Variants in WWOX observed in about 807,000 individuals in gnomAD.
The protein encoded by WWOX is WW domain containing oxidoreductase, also known as WW domain-containing oxidoreductase.
A neutral mutation model predicts 46.2 loss-of-function variants in WWOX; 69 were observed. That is an observed-to-expected ratio of 1.49 (90% CI 1.23 to 1.82). The LOEUF (loss-of-function observed/expected upper bound fraction) is 1.82, where lower values mean the gene tolerates loss of function less well. Among genes scored for constraint, WWOX ranks in the 40% most tolerant of loss-of-function variants. WWOX has a pLI of 0.00. For synonymous variants in WWOX, 359 were observed against 202.6 expected (o/e 1.77, Z -6.56); for missense variants, 919 against 542.6 (o/e 1.69, Z -6.89).
chr16:79,206,540 C>G (rs961202570), intron 8 of WWOX: 3 of 152,178 alleles, frequency 2.0e-5, no homozygotes, highest in Admixed American at 1.3e-4. Flanking sequence ...CATGCAGAGC[C>G]TGGCAAATCG....
intron 8 of WWOX, among the ~76,000 whole-genome samples, chr16:79,028,251 T>C (rs1333589336): frequency 6.6e-6 from 1 of 151,876 alleles, no homozygotes; most frequent in Non-Finnish European, 1.5e-5. Context: ...GCCCGACTGC[T>C]TTATTTTCCT....
chr16:78,680,493 C>T (rs900535821), intron 8 of WWOX, among the ~76,000 whole-genome samples: 12 of 152,202 alleles, frequency 7.9e-5, no homozygotes, highest in South Asian at 4.2e-4. Context: ...CACTTCACTG[C>T]GGCCTGAGCT....
At chr16:78,586,014 A>G (rs1364903084) in intron 8 of WWOX, among the ~76,000 whole-genome samples, 1 of 151,996 alleles carries the variant, frequency 6.6e-6, no homozygotes, top group Admixed American at 6.6e-5. Flanking sequence ...CCTGGGCAAT[A>G]TAGCAAGATG....
Position 78,392,554 on chromosome 16 carries a change from A to G in WWOX, c.605+5606A>G, listed in dbSNP as rs561580167. ...TGAGTCTATGGAAAAATTGTCTTCC[A>G]GAAAACCACTTGCTGGTGCCAAAAA... On this transcript the variant is annotated intron_variant, in intron 6 of 8. Coordinates refer to ENST00000566780, the MANE Select transcript of WWOX (RefSeq NM_016373.4). 4.6e-5 allele frequency among the ~76,000 whole-genome samples: 7 copies of G among 152,302 alleles called. No homozygotes were observed. The East Asian group carries it at 5.8e-4, about 13-fold the overall frequency.
At chr16:79,180,509 C>G (rs2150785232) in intron 8 of WWOX, among the ~76,000 whole-genome samples, 1 of 152,224 alleles carries the variant, frequency 6.6e-6, no homozygotes, top group African/African-American at 2.4e-5. Flanking sequence ...TCGTGAGCCT[C>G]CTTGTGGACC....
intron 5 of WWOX, among the ~76,000 whole-genome samples, chr16:78,354,662 T>C (rs1197723860): frequency 2.0e-5 from 3 of 152,106 alleles, no homozygotes; most frequent in African/African-American, 7.2e-5. Context: ...AATAGTTGGA[T>C]TTTGTTTTTT....
intron 8 of WWOX, among the ~76,000 whole-genome samples, chr16:78,671,960 GA>G (rs1225828966): frequency 4.6e-5 from 7 of 151,958 alleles, no homozygotes; most frequent in Non-Finnish European, 2.9e-5. Flanking sequence ...CTGGGTAGTG[GA>G]AAAAATATGA....
At chr16:79,038,203 G>A (rs2151405805) in intron 8 of WWOX, among the ~76,000 whole-genome samples, 1 of 152,072 alleles carries the variant, frequency 6.6e-6, no homozygotes. Flanking sequence ...ACACCCTGTT[G>A]GCCCTTTGCA....
At chr16:78,686,438 G>A (rs2047861135) in intron 8 of WWOX, among the ~76,000 whole-genome samples, 1 of 151,950 alleles carries the variant, frequency 6.6e-6, no homozygotes, top group South Asian at 2.1e-4. Flanking sequence ...GTCAACCCGG[G>A]AGGTGGAGTT....
intron 8 of WWOX, among the ~76,000 whole-genome samples, chr16:78,583,944 T>TC (rs774470941): frequency 1.3e-5 from 2 of 152,158 alleles, no homozygotes; most frequent in Non-Finnish European, 2.9e-5. Flanking sequence ...TTGCTGAAGG[T>TC]CCCCAGCCTC....
chr16:78,101,420 C>T (rs765376484), intron 1 of WWOX, among the ~76,000 whole-genome samples: 6 of 140,338 alleles, frequency 4.3e-5, no homozygotes, highest in Non-Finnish European at 6.1e-5. Flanking sequence ...GATCTCGGTT[C>T]ACTGCAACCT....
At chr16:78,418,077 C>T (rs1242999572) in intron 6 of WWOX, among the ~76,000 whole-genome samples, 1 of 152,116 alleles carries the variant, frequency 6.6e-6, no homozygotes, top group Admixed American at 6.5e-5. Context: ...AGAATTAATA[C>T]TGGCCGGGAA....
chr16:78,723,709 A>G (rs974596846), intron 8 of WWOX, among the ~76,000 whole-genome samples: 1 of 138,850 alleles, frequency 7.2e-6, no homozygotes, highest in African/African-American at 2.7e-5. Flanking sequence ...TAATCCGGGC[A>G]TTGGAGTGCT....
intron 8 of WWOX, among the ~76,000 whole-genome samples, chr16:78,653,264 C>G (rs778578681): frequency 2.6e-5 from 4 of 151,980 alleles, no homozygotes; most frequent in Non-Finnish European, 5.9e-5. Flanking sequence ...TGTAACCATT[C>G]CCTAGTGTTG....
At chr16:78,914,083 A>G (rs1209499226) in intron 8 of WWOX, among the ~76,000 whole-genome samples, 2 of 152,098 alleles carry the variant, frequency 1.3e-5, no homozygotes, top group Admixed American at 6.5e-5. Context: ...GTATGACAGT[A>G]TCATTCTGAT....
intron 8 of WWOX, 80 bp from the exon 9 acceptor site, chr16:79,211,522 CTGCTAA>C: frequency 1.3e-6 from 2 of 1,574,808 alleles, no homozygotes; most frequent in Non-Finnish European, 8.7e-7. Flanking sequence ...TGGGGGAGGC[CTGCTAA>C]TGCCCAGGCA....
intron 5 of WWOX, among the ~76,000 whole-genome samples, chr16:78,379,339 A>C (rs2081901286): frequency 6.6e-6 from 1 of 152,110 alleles, no homozygotes; most frequent in Non-Finnish European, 1.5e-5. Flanking sequence ...GTAAACAGCA[A>C]CCCTTCTCTC....
At chr16:78,620,013 A>T (rs1243708236) in intron 8 of WWOX, among the ~76,000 whole-genome samples, 2 of 152,198 alleles carry the variant, frequency 1.3e-5, no homozygotes, top group Non-Finnish European at 2.9e-5. Flanking sequence ...TGAAAGAGAA[A>T]ATGAGACTAA....
chr16:78,107,692 G>A (rs1281158252), intron 1 of WWOX, among the ~76,000 whole-genome samples: 1 of 152,130 alleles, frequency 6.6e-6, no homozygotes, highest in Admixed American at 6.5e-5. Context: ...CATTTTAGCT[G>A]GGCAAGGTGG....
Sources: gnomAD v4.1 joint callset for allele counts (sites outside exome capture counted in the v4.1 genomes callset) on GRCh38, gnomAD v4.1.1 for gene constraint, MANE v1.5 for transcripts, NCBI Gene and HGNC (gene_info 2026-07-23, HGNC 2026-07-21) for gene names.